NOL4L: variants seen among roughly 807,000 people sequenced by gnomAD.
NOL4L encodes nucleolar protein 4 like.
Under a neutral mutation model 64.5 loss-of-function variants are expected in NOL4L, and 7 were observed. The observed-to-expected ratio is 0.11, with a 90% CI of 0.06 to 0.20. The LOEUF (loss-of-function observed/expected upper bound fraction) is 0.20, where lower values mean the gene tolerates loss of function less well. Among genes scored for constraint, NOL4L ranks in the 10% least tolerant of loss-of-function variants. The probability of loss-of-function intolerance (pLI) is 1.00; values close to 1 mark genes in which losing one functional copy is unlikely to be tolerated. For synonymous variants in NOL4L, 413 were observed against 401.0 expected (o/e 1.03, Z -0.36); for missense variants, 680 against 967.1 (o/e 0.70, Z 3.94).
Position 32,520,642 on chromosome 20 carries a change from C to T in NOL4L, c.589+169G>A, listed in dbSNP as rs574242655. On this transcript the variant is annotated intron_variant, in intron 3 of 10. Coordinates refer to ENST00000621426, the MANE Select transcript of NOL4L (RefSeq NM_001256798.2). ...AATTTGAGATTTAAAAAAAGTTAAA[C>T]GAAACAAAACAAGGCGCTTTGGGCA... 3.8e-4 allele frequency among the ~76,000 whole-genome samples: 58 copies of T among 152,270 alleles called. 1 individual carries two copies. Among genetic ancestry groups the T allele is most frequent in the African/African-American group, 1.3e-3 (54 of 41,552 alleles).
intron 1 of NOL4L, among the ~76,000 whole-genome samples, chr20:32,528,315 T>C (rs1409021045): frequency 1.3e-5 from 2 of 152,168 alleles, no homozygotes; most frequent in Non-Finnish European, 2.9e-5. Context: ...CAATTAGCAG[T>C]AACCTTTCAC....
intron 4 of NOL4L, chr20:32,510,504 AG>A (rs2017350736): frequency 6.2e-6 from 1 of 160,674 alleles, no homozygotes; most frequent in Admixed American, 5.9e-5. Flanking sequence ...GGCCGCACCC[AG>A]GGCTGGAGAC....
chr20:32,489,437 C>T (rs1420813166), intron 4 of NOL4L, among the ~76,000 whole-genome samples: 1 of 152,014 alleles, frequency 6.6e-6, no homozygotes, highest in East Asian at 2.0e-4. Context: ...TCACTGCAGG[C>T]TCAATCCCCT....
intron 4 of NOL4L, among the ~76,000 whole-genome samples, chr20:32,508,104 A>G (rs1377662735): frequency 6.6e-6 from 1 of 152,228 alleles, no homozygotes; most frequent in African/African-American, 2.4e-5. Context: ...CCTGCATTAG[A>G]AATTTGCAAA....
intron 4 of NOL4L, 73 bp from the exon 5 acceptor site, chr20:32,474,815 G>C: frequency 6.7e-7 from 1 of 1,497,858 alleles, no homozygotes; most frequent in Non-Finnish European, 9.0e-7. Flanking sequence ...CTTGTGGGTG[G>C]ACCCCAGGGC....
chr20:32,578,829 A>C (rs1980292816), intron 1 of NOL4L, among the ~76,000 whole-genome samples: 1 of 152,206 alleles, frequency 6.6e-6, no homozygotes, highest in Non-Finnish European at 1.5e-5. Flanking sequence ...CCCTCACTTC[A>C]AGTTCAGAGC....
intron 4 of NOL4L, among the ~76,000 whole-genome samples, chr20:32,485,099 A>AAAAAAAAAAAAAAAAAAAAAAAAAC (rs2016029516): frequency 6.7e-6 from 1 of 150,344 alleles, no homozygotes; most frequent in Non-Finnish European, 1.5e-5. Context: ...AACTAAAAAA[A>AAAAAAAAAAAAAAAAAAAAAAAAAC]AACCCTGATA....
intron 4 of NOL4L, among the ~76,000 whole-genome samples, chr20:32,495,561 G>T (rs949327988): frequency 3.9e-5 from 6 of 152,178 alleles, no homozygotes; most frequent in African/African-American, 1.4e-4. Context: ...TTCCTCCCCA[G>T]AAGACAGTCC....
chr20:32,505,547 T>C (rs1248661736), intron 4 of NOL4L, among the ~76,000 whole-genome samples: 2 of 151,742 alleles, frequency 1.3e-5, no homozygotes, highest in African/African-American at 4.8e-5. Flanking sequence ...CGAAACCACA[T>C]CTCTACAAAA....
In NOL4L at chr20:32,452,333, G is replaced by A. The variant is rs765215561; in HGVS notation, c.1725C>T (p.Tyr575=). ...AACTGTAGTTGAGGCCGCCGTTGGC[G>A]TACACAGGGTCCTGGGAGTAGGAGG... ...PASSYSQDPV[Y]ANGGLNYSYR... The change falls in exon 10 of 11, where the codon TAC becomes TAT. Residue 575 remains tyrosine (Y), a synonymous_variant. Transcript: ENST00000621426. 45 of 1,610,392 alleles carry A rather than the reference G, an allele frequency of 2.8e-5. No individual in the cohort carries two copies. The highest frequency in any genetic ancestry group is 3.3e-4 in the Middle Eastern group (2 of 6,068).
chr20:32,478,679 T>C (rs1397906567), intron 4 of NOL4L, among the ~76,000 whole-genome samples: 2 of 152,180 alleles, frequency 1.3e-5, no homozygotes, highest in East Asian at 3.9e-4. Flanking sequence ...AGTGGCTAAC[T>C]ACAGCCTCGA....
chr20:32,556,531 G>A (rs929639618), intron 1 of NOL4L, among the ~76,000 whole-genome samples: 2 of 152,072 alleles, frequency 1.3e-5, no homozygotes, highest in African/African-American at 2.4e-5. Flanking sequence ...GCTCATCCCC[G>A]GGGGCCCAGA....
Position 32,453,242 on chromosome 20 carries a change from A to G in NOL4L, c.1497+62T>C, listed in dbSNP as rs1356194162. The stretch of plus-strand genomic sequence containing the variant: ...GGTGAAGGGGCCCGGGCATCCTGGG[A>G]GTGTGGCAGGAGGTCAGTAGTGGCA... On this transcript the variant is annotated intron_variant, in intron 8 of 10. Coordinates refer to ENST00000621426, the MANE Select transcript of NOL4L (RefSeq NM_001256798.2). The surrounding 1 kb of genome is among the most constrained non-coding windows in gnomAD (Gnocchi z 5.6). 5 of 1,566,832 alleles carry G rather than the reference A, an allele frequency of 3.2e-6. No individual in the cohort carries two copies. The highest frequency in any genetic ancestry group is 4.4e-6 in the Non-Finnish European group (5 of 1,149,390).
intron 1 of NOL4L, among the ~76,000 whole-genome samples, chr20:32,537,474 G>A (rs2064091062): frequency 6.6e-6 from 1 of 152,210 alleles, no homozygotes; most frequent in Admixed American, 6.5e-5. Flanking sequence ...CGAGAGATCT[G>A]TTGTCCCAGG....
At chr20:32,541,061 C>A (rs1422920112) in intron 1 of NOL4L, among the ~76,000 whole-genome samples, 2 of 137,720 alleles carry the variant, frequency 1.5e-5, no homozygotes, top group African/African-American at 5.3e-5. Flanking sequence ...TTCCCTCTGG[C>A]TAGAAGGCCC....
At chr20:32,557,706 T>C (rs1978752903) in intron 1 of NOL4L, among the ~76,000 whole-genome samples, 1 of 152,212 alleles carries the variant, frequency 6.6e-6, no homozygotes, top group African/African-American at 2.4e-5. Flanking sequence ...GGGAACCTTC[T>C]GGAAAGGAAG....
chr20:32,496,487 T>C (rs1004215219), intron 4 of NOL4L, among the ~76,000 whole-genome samples: 1 of 152,174 alleles, frequency 6.6e-6, no homozygotes, highest in Non-Finnish European at 1.5e-5. Context: ...GTGCTTGGAA[T>C]GACCTCCAGC....
At chr20:32,566,142 G>C (rs1319785952) in intron 1 of NOL4L, among the ~76,000 whole-genome samples, 7 of 152,218 alleles carry the variant, frequency 4.6e-5, no homozygotes, top group Non-Finnish European at 1.0e-4. Flanking sequence ...AGTGGTCTCT[G>C]TAAGTCCCAT....
At chr20:32,488,856 TTTCTTTC>T (rs2016312742) in intron 4 of NOL4L, among the ~76,000 whole-genome samples, 2 of 101,660 alleles carry the variant, frequency 2.0e-5, no homozygotes, top group South Asian at 3.0e-4. Context: ...TCTTTCTTTC[TTTCTTTC>T]TTTCTTTCTT....
Sources: gnomAD v4.1 joint callset for allele counts (sites outside exome capture counted in the v4.1 genomes callset) on GRCh38, gnomAD v4.1.1 for gene constraint, Gnocchi (gnomAD v3.1) non-coding constraint, MANE v1.5 for transcripts, NCBI Gene and HGNC (gene_info 2026-07-23, HGNC 2026-07-21) for gene names.